The following ANO3 variants were observed in gnomAD, a reference collection of about 807,000 sequenced individuals.
The protein encoded by ANO3 is anoctamin 3.
In ANO3, 99 loss-of-function variants were observed where a neutral mutation model predicts 144.8. The ratio of observed to expected loss-of-function variants is 0.68; its 90% CI spans 0.58 to 0.81. ANO3 has a LOEUF of 0.81. ANO3 is among the 30% of genes least tolerant of loss of function. The pLI is 0.00. For synonymous variants in ANO3, 414 were observed against 392.6 expected, an observed-to-expected ratio of 1.05 and a Z score of -0.64; for missense variants, 905 against 1,202.2, an observed-to-expected ratio of 0.75 and a Z score of 3.66.
chr11:26,444,733 G>A (rs10047414), intron 3 of ANO3, among the ~76,000 whole-genome samples: 36,854 of 151,942 alleles, frequency 0.24, 5,160 homozygotes, highest in African/African-American at 0.38. Context: ...TTCTCTACAG[G>A]CATTGTTAAA....
intron 1 of ANO3, chr11:26,288,125 A>C (rs184393988): frequency 6.5e-6 from 1 of 153,086 alleles, no homozygotes; most frequent in Admixed American, 6.5e-5. Context: ...GGAAAATCAG[A>C]ATGTCTGCTA....
chr11:26,282,194 G>A (rs1292775204), intron 1 of ANO3, among the ~76,000 whole-genome samples: 2 of 152,132 alleles, frequency 1.3e-5, no homozygotes, highest in African/African-American at 4.8e-5. Context: ...AGTTGATGAT[G>A]CTGTTCATAT....
intron 1 of ANO3, among the ~76,000 whole-genome samples, chr11:26,375,715 A>G (rs1461364): frequency 0.27 from 40,597 of 152,058 alleles, 6,088 homozygotes; most frequent in African/African-American, 0.41. Flanking sequence ...CAAGATATAT[A>G]TGCATGAGGC....
At chr11:26,506,864 C>T (rs969278507) in intron 4 of ANO3, among the ~76,000 whole-genome samples, 1 of 152,180 alleles carries the variant, frequency 6.6e-6, no homozygotes, top group East Asian at 1.9e-4. Context: ...CTGGTCCTCA[C>T]TTCTTTCACC....
intron 1 of ANO3, among the ~76,000 whole-genome samples, chr11:26,291,897 T>A (rs1195700230): frequency 3.3e-5 from 5 of 152,166 alleles, no homozygotes; most frequent in Admixed American, 2.0e-4. Flanking sequence ...TTGGGGTTGC[T>A]CTTCTTGAGG....
intron 1 of ANO3, among the ~76,000 whole-genome samples, chr11:26,299,945 G>A (rs1015581631): frequency 1.2e-4 from 19 of 152,118 alleles, no homozygotes; most frequent in African/African-American, 4.1e-4. Flanking sequence ...AGCTAAGAGT[G>A]AGATATAGGG....
In ANO3 at chr11:26,365,977, TATATATATATATATATA is replaced by T. The variant is rs1174537472; in HGVS notation, c.46+33657_46+33673del. ...CTTTATATATATATATATATATATA[TATATATATATATATATA>T]TATATATATTTTAATTATACTTTAA... On this transcript the variant is annotated intron_variant, in intron 1 of 26. Transcript: ENST00000256737. Among the ~76,000 whole-genome samples, 323 of 73,320 alleles carry T rather than the reference TATATATATATATATATA, an allele frequency of 4.4e-3. 8 individuals are homozygous for T. Among genetic ancestry groups the T allele is most frequent in the African/African-American group, 0.01 (171 of 16,804 alleles). 48.1% of individuals were successfully genotyped at this position (73,320 alleles called of 152,430 possible). A position where few individuals can be genotyped will look rare whatever the true frequency, so the allele number is the denominator to read the frequency against.
At chr11:26,411,414 C>A (rs1857428609) in intron 1 of ANO3, among the ~76,000 whole-genome samples, 1 of 151,784 alleles carries the variant, frequency 6.6e-6, no homozygotes, top group Non-Finnish European at 1.5e-5. Context: ...CAATAATTAC[C>A]AGTAATTAAT....
chr11:26,330,330 A>G (rs914737577), upstream of ANO3, among the ~76,000 whole-genome samples: 1 of 152,198 alleles, frequency 6.6e-6, no homozygotes, highest in African/African-American at 2.4e-5. Flanking sequence ...CAATGCCCTC[A>G]TCTATACAAT....
chr11:26,420,314 C>A (rs1857715761), intron 1 of ANO3, among the ~76,000 whole-genome samples: 1 of 151,912 alleles, frequency 6.6e-6, no homozygotes, highest in East Asian at 1.9e-4. Flanking sequence ...CTTTCTACTC[C>A]CAAAAGTTAT....
intron 1 of ANO3, among the ~76,000 whole-genome samples, chr11:26,378,584 A>C (rs189727796): frequency 2.4e-4 from 36 of 152,148 alleles, no homozygotes; most frequent in African/African-American, 8.2e-4. Flanking sequence ...AAAATGGTAA[A>C]TGTAATAGAA....
intron 17 of ANO3, among the ~76,000 whole-genome samples, chr11:26,613,470 T>C (rs1223312302): frequency 6.6e-6 from 1 of 152,216 alleles, no homozygotes; most frequent in Non-Finnish European, 1.5e-5. Context: ...TTACAATGCT[T>C]TTTTAGGAAT....
chr11:26,586,277 G>T (rs902630428), intron 14 of ANO3, among the ~76,000 whole-genome samples: 6 of 150,936 alleles, frequency 4.0e-5, no homozygotes, highest in South Asian at 2.1e-4. Context: ...CCCTGATTCA[G>T]TTAGTTTGTC....
chr11:26,296,373 C>G (rs1854088748), intron 1 of ANO3, among the ~76,000 whole-genome samples: 1 of 151,698 alleles, frequency 6.6e-6, no homozygotes, highest in Non-Finnish European at 1.5e-5. Context: ...ATTAATTGAC[C>G]CTCTCTTCCA....
At chr11:26,444,986 T>G (rs1243480943) in intron 3 of ANO3, among the ~76,000 whole-genome samples, 4 of 152,204 alleles carry the variant, frequency 2.6e-5, no homozygotes, top group African/African-American at 9.6e-5. Flanking sequence ...CTGTAGTAAT[T>G]AATTCTGAAG....
At chr11:26,529,784 A>T (rs560804603) in intron 7 of ANO3, among the ~76,000 whole-genome samples, 3 of 152,102 alleles carry the variant, frequency 2.0e-5, no homozygotes, top group Admixed American at 6.6e-5. Context: ...TGGAGTCAAT[A>T]GCTTTCTTCT....
intron 1 of ANO3, among the ~76,000 whole-genome samples, chr11:26,361,406 A>T (rs1438684796): frequency 2.0e-5 from 3 of 152,230 alleles, no homozygotes; most frequent in Non-Finnish European, 4.4e-5. Context: ...TAATATTTTT[A>T]ATAAAACATA....
intron 1 of ANO3, among the ~76,000 whole-genome samples, chr11:26,270,598 A>G (rs79461441): frequency 0.017 from 2,599 of 152,316 alleles, 68 homozygotes; most frequent in African/African-American, 0.06. Flanking sequence ...ACCAGGAAAT[A>G]GGAGCTCAGA....
At chr11:26,565,247 A>G (rs1163874863) in intron 14 of ANO3, 1 of 1,550,992 alleles carries the variant, frequency 6.4e-7, no homozygotes. Flanking sequence ...TTTTTTCTTG[A>G]TAAGGGGTAA....
Sources: gnomAD v4.1 joint callset for allele counts (sites outside exome capture counted in the v4.1 genomes callset) on GRCh38, gnomAD v4.1.1 for gene constraint, MANE v1.5 for transcripts, NCBI Gene and HGNC (gene_info 2026-07-23, HGNC 2026-07-21) for gene names.